CPS1: variants seen among roughly 807,000 people sequenced by gnomAD.
CPS1 encodes carbamoyl-phosphate synthase [ammonia], mitochondrial.
Under a neutral mutation model 174.6 loss-of-function variants are expected in CPS1, and 109 were observed. That is an observed-to-expected ratio of 0.62 (90% CI 0.53 to 0.73). The LOEUF (loss-of-function observed/expected upper bound fraction) is 0.73. Ranked by LOEUF, CPS1 falls within the 30% of genes least tolerant of loss-of-function variation. The probability of loss-of-function intolerance (pLI) is 0.00; values close to 1 mark genes in which losing one functional copy is unlikely to be tolerated. For synonymous variants in CPS1, 637 were observed against 632.0 expected (o/e 1.01, Z -0.12); for missense variants, 1,689 against 1,821.9 (o/e 0.93, Z 1.33).
intron 34 of CPS1, among the ~76,000 whole-genome samples, chr2:210,669,121 A>G (rs1203176398): frequency 1.3e-5 from 2 of 152,198 alleles, no homozygotes; most frequent in Non-Finnish European, 2.9e-5. Flanking sequence ...TGAAATGAAT[A>G]TCTTTATGCA....
At chr2:210,648,580 A>G (rs766830775) in intron 27 of CPS1, 40 bp downstream of exon 27, 1 of 1,516,848 alleles carries the variant, frequency 6.6e-7, no homozygotes, top group Admixed American at 1.7e-5. Context: ...TGATTCAAAA[A>G]TTGGGAGATA....
intron 1 of CPS1, among the ~76,000 whole-genome samples, chr2:210,484,767 C>A (rs571962462): frequency 1.3e-5 from 2 of 152,244 alleles, no homozygotes; most frequent in South Asian, 4.1e-4. Context: ...TATAAACCCC[C>A]CTAATTTTAG....
At chr2:210,544,508 T>A (rs1422162584) in intron 1 of CPS1, among the ~76,000 whole-genome samples, 1 of 152,096 alleles carries the variant, frequency 6.6e-6, no homozygotes, top group African/African-American at 2.4e-5. Flanking sequence ...CAAGAATGTT[T>A]TATATATTTA....
intron 1 of CPS1, among the ~76,000 whole-genome samples, chr2:210,486,169 A>G (rs543047249): frequency 2.7e-5 from 4 of 149,760 alleles, no homozygotes; most frequent in Admixed American, 2.0e-4. Flanking sequence ...CCCTGTATAT[A>G]TATATATGGT....
At chr2:210,652,850 T>C (rs149039207) in intron 28 of CPS1, among the ~76,000 whole-genome samples, 190 of 151,048 alleles carry the variant, frequency 1.3e-3, no homozygotes, top group African/African-American at 4.3e-3. Context: ...AGGGAGAGAG[T>C]ATAGAAGAAA....
At chr2:210,586,095 A>G (rs1459651731) in intron 6 of CPS1, among the ~76,000 whole-genome samples, 3 of 151,884 alleles carry the variant, frequency 2.0e-5, no homozygotes, top group Admixed American at 6.6e-5. Flanking sequence ...TAAGACTCAG[A>G]GAAAACACAC....
At chr2:210,613,663 AAGG>A (rs1699206978) in intron 20 of CPS1, among the ~76,000 whole-genome samples, 1 of 151,832 alleles carries the variant, frequency 6.6e-6, no homozygotes, top group African/African-American at 2.4e-5. Context: ...TGCCACTTTG[AAGG>A]AGATGAAAAA....
intron 28 of CPS1, among the ~76,000 whole-genome samples, chr2:210,652,001 A>C (rs192459434): frequency 1.3e-5 from 2 of 152,312 alleles, no homozygotes; most frequent in Admixed American, 1.3e-4. Flanking sequence ...AATAGAGAAA[A>C]TACAGGATGT....
chr2:210,564,455 A>G (rs1235991813), intron 1 of CPS1, among the ~76,000 whole-genome samples: 1 of 151,696 alleles, frequency 6.6e-6, no homozygotes, highest in Non-Finnish European at 1.5e-5. Flanking sequence ...GGCTCACTGC[A>G]AGGTCCGCCT....
intron 1 of CPS1, among the ~76,000 whole-genome samples, chr2:210,503,275 C>A (rs1347505470): frequency 6.6e-6 from 1 of 152,154 alleles, no homozygotes; most frequent in Non-Finnish European, 1.5e-5. Context: ...ACTTGAGACA[C>A]TCAGCTTAAG....
intron 6 of CPS1, among the ~76,000 whole-genome samples, chr2:210,584,811 C>T (rs1339710355): frequency 6.6e-6 from 1 of 152,032 alleles, no homozygotes; most frequent in Non-Finnish European, 1.5e-5. Flanking sequence ...CTTTAAAAAG[C>T]TCAATTTCTA....
chr2:210,656,513 T>C lies in CPS1; in HGVS notation c.3559-12T>C. ...ACTTTTTCTAAAATCCTTTTTTTTT[T>C]TTTTTGGCCAGGTTATCTCTCATGC... On this transcript the variant is annotated splice_polypyrimidine_tract_variant and intron_variant, in intron 29 of 37. Coordinates refer to ENST00000233072, the MANE Select transcript of CPS1 (RefSeq NM_001875.5). The C allele has an allele frequency of 6.3e-7, 1 of 1,598,558 alleles. No homozygotes were observed. Among genetic ancestry groups the C allele is most frequent in the Non-Finnish European group, 8.6e-7 (1 of 1,169,292 alleles).
Position 210,616,573 on chromosome 2 carries a change from C to T in CPS1, c.2687+32C>T, listed in dbSNP as rs1205176248. On this transcript the variant is annotated intron_variant, in intron 21 of 37. Transcript: ENST00000233072. ...CAGTGCTGCTCTCATTCATGCCAGA[C>T]ACCTTCAGTGCAATTTTTAAAGAGT... The T allele has an allele frequency of 2.4e-6, 3 of 1,271,828 alleles. No homozygotes were observed. In the East Asian group the frequency reaches 6.9e-5, roughly 29 times the overall value. 78.8% of individuals were successfully genotyped at this position (1,271,828 alleles called of 1,614,324 possible). A position where few individuals can be genotyped will look rare whatever the true frequency, so the allele number is the denominator to read the frequency against.
At position 210,578,318 on chromosome 2, in the gene CPS1, C is replaced by T. The variant is rs187764079; in HGVS notation, c.471+808C>T. Among the ~76,000 whole-genome samples, 199 of 152,158 alleles carry T rather than the reference C, an allele frequency of 1.3e-3. 2 individuals carry two copies. Among genetic ancestry groups the T allele is most frequent in the African/African-American group, 4.7e-3 (193 of 41,498 alleles). ...AGAGACGGGGTTTCACCATGTTGGCCAGGCTGGTCTCAAACTCCTGACTTC... is the reference window on the plus strand; with the variant it reads ...AGAGACGGGGTTTCACCATGTTGGCTAGGCTGGTCTCAAACTCCTGACTTC... On this transcript the variant is annotated intron_variant, in intron 4 of 37. Transcript: ENST00000233072.
Position 210,668,175 on chromosome 2 carries a change from T to C in CPS1, c.4003-11T>C. On this transcript the variant is annotated splice_polypyrimidine_tract_variant and intron_variant, in intron 33 of 37. Transcript: ENST00000233072. The stretch of plus-strand genomic sequence containing the variant: ...ATCCTCTATTTTAATTTTTTATTTA[T>C]TTCTAAACAGGTGGCTTGCTTTGGT... 1.2e-6 allele frequency: 2 copies of C among 1,605,740 alleles called. No individual in the cohort carries two copies. The highest frequency in any genetic ancestry group is 1.7e-6 in the Non-Finnish European group (2 of 1,172,856).
intron 1 of CPS1, among the ~76,000 whole-genome samples, chr2:210,498,647 C>T (rs192296020): frequency 6.6e-6 from 1 of 152,282 alleles, no homozygotes; most frequent in African/African-American, 2.4e-5. Context: ...TTTTATTTCC[C>T]TCTCTTGCCT....
At chr2:210,575,389 C>T (rs1487390157) in intron 2 of CPS1, among the ~76,000 whole-genome samples, 2 of 151,984 alleles carry the variant, frequency 1.3e-5, no homozygotes, top group Non-Finnish European at 2.9e-5. Context: ...AAAAAAACCT[C>T]AATTGCAGTG....
chr2:210,678,063 C>T lies in CPS1; in HGVS notation c.*78C>T. ...TAAAGGAACTGATTCACAACTTTCT[C>T]AGAGATGAATATTGATAACTAAACT... On this transcript the variant is annotated 3_prime_UTR_variant, in exon 38 of 38. Transcript: ENST00000233072. 9.4e-7 allele frequency: 1 copy of T among 1,060,680 alleles called. No individual in the cohort carries two copies. The highest frequency in any genetic ancestry group is 1.5e-6 in the Non-Finnish European group (1 of 674,802). The allele number at this position is 1,060,680 out of a possible 1,614,324, so 65.7% of individuals were successfully genotyped here. A position where few individuals can be genotyped will look rare whatever the true frequency, so the allele number is the denominator to read the frequency against.
At chr2:210,645,688 C>A (rs1028371410) in intron 25 of CPS1, among the ~76,000 whole-genome samples, 1 of 152,160 alleles carries the variant, frequency 6.6e-6, no homozygotes, top group Non-Finnish European at 1.5e-5. Flanking sequence ...GAAGCTGAGG[C>A]ACGAGAATTC....
Sources: gnomAD v4.1 joint callset for allele counts (sites outside exome capture counted in the v4.1 genomes callset) on GRCh38, gnomAD v4.1.1 for gene constraint, MANE v1.5 for transcripts, NCBI Gene and HGNC (gene_info 2026-07-23, HGNC 2026-07-21) for gene names.